The following DAB2IP variants were observed in gnomAD, a reference collection of about 807,000 sequenced individuals.
DAB2IP encodes DAB2 interacting protein.
Under a neutral mutation model 107.2 loss-of-function variants are expected in DAB2IP, and 28 were observed. The observed-to-expected ratio is 0.26, with a 90% CI of 0.19 to 0.36. The LOEUF (loss-of-function observed/expected upper bound fraction) is 0.36. Among genes scored for constraint, DAB2IP ranks in the 10% least tolerant of loss-of-function variants. The probability of loss-of-function intolerance (pLI) is 1.00; values close to 1 mark genes in which losing one functional copy is unlikely to be tolerated. For missense variants in DAB2IP, 1,400 were observed against 1,644.7 expected, an observed-to-expected ratio of 0.85 and a Z score of 2.57; for synonymous variants, 755 against 706.4, an observed-to-expected ratio of 1.07 and a Z score of -1.09.
chr9:121,714,694 C>T (rs187045594), intron 3 of DAB2IP, among the ~76,000 whole-genome samples: 7 of 152,332 alleles, frequency 4.6e-5, no homozygotes, highest in African/African-American at 7.2e-5. Flanking sequence ...CAGCTCCTCC[C>T]CTAGTGGAGG....
intron 1 of DAB2IP, among the ~76,000 whole-genome samples, chr9:121,615,968 T>G (rs1589411613): frequency 6.6e-6 from 1 of 152,268 alleles, no homozygotes; most frequent in East Asian, 1.9e-4. Context: ...GATGGACATA[T>G]GGAATAGAGA....
intron 1 of DAB2IP, among the ~76,000 whole-genome samples, chr9:121,640,360 A>G (rs1412686892): frequency 7.7e-6 from 1 of 129,568 alleles, no homozygotes; most frequent in Non-Finnish European, 1.5e-5. Context: ...AGCCTGTGTC[A>G]GGGGGGCGAC....
intron 1 of DAB2IP, among the ~76,000 whole-genome samples, chr9:121,572,207 C>G (rs755756031): frequency 6.6e-6 from 1 of 152,092 alleles, no homozygotes; most frequent in Non-Finnish European, 1.5e-5. Context: ...TCGTGGGTAC[C>G]GTCCTCCTAC....
rs747786813 is a variant in DAB2IP at position 121,679,665 on chromosome 9, G to A, written c.228+884G>A. ...CTGGCATGCCTGCTGTGTGCAAGCA[G>A]AGGAAAGAAGGTTCTGGGTGGCAGG... On this transcript the variant is annotated intron_variant, in intron 2 of 15. Coordinates refer to ENST00000408936, the Ensembl canonical transcript of DAB2IP. Among the ~76,000 whole-genome samples, 186 of 152,062 alleles carry A rather than the reference G, an allele frequency of 1.2e-3. 2 individuals carry two copies. The highest frequency in any genetic ancestry group is 2.2e-3 in the Non-Finnish European group (151 of 68,026).
At chr9:121,641,807 C>T (rs1832295345) in intron 1 of DAB2IP, among the ~76,000 whole-genome samples, 1 of 152,040 alleles carries the variant, frequency 6.6e-6, no homozygotes, top group Admixed American at 6.6e-5. Context: ...TACCTTCCTT[C>T]TTTCCTTCTT....
chr9:121,723,654 A>G (rs1341318163), intron 3 of DAB2IP, among the ~76,000 whole-genome samples: 1 of 152,206 alleles, frequency 6.6e-6, no homozygotes, highest in Non-Finnish European at 1.5e-5. Flanking sequence ...GAAAGAACTG[A>G]CATCTGTGCA....
At chr9:121,605,978 T>C (rs1339446097) in intron 1 of DAB2IP, among the ~76,000 whole-genome samples, 1 of 152,074 alleles carries the variant, frequency 6.6e-6, no homozygotes, top group African/African-American at 2.4e-5. Flanking sequence ...CACAGAAACA[T>C]CTGTCCCTGA....
chr9:121,783,485 G>A (rs1304504729), exon 16 of DAB2IP: 5 of 1,614,008 alleles, frequency 3.1e-6, no homozygotes, highest in Non-Finnish European at 4.2e-6. Flanking sequence ...AGATTCTAAC[G>A]CCTGCAGGCC....
chr9:121,596,748 G>T (rs1333903911), intron 1 of DAB2IP, among the ~76,000 whole-genome samples: 1 of 150,778 alleles, frequency 6.6e-6, no homozygotes, highest in African/African-American at 2.5e-5. Context: ...TGAGCAAGAG[G>T]TTCTCTATGT....
chr9:121,782,630 G>A lies in DAB2IP; in HGVS notation c.*132G>A. The A allele has an allele frequency of 1.3e-6, 2 of 1,501,264 alleles. No homozygotes were observed. The highest frequency in any genetic ancestry group is 1.8e-6 in the Non-Finnish European group (2 of 1,128,546). The allele number at this position is 1,501,264 out of a possible 1,614,324, so 93.0% of individuals were successfully genotyped here. On this transcript the variant is annotated 3_prime_UTR_variant, in exon 16 of 16. Transcript: ENST00000408936. This position sits in a 1 kb window ranked among gnomAD's most constrained non-coding sequence, Gnocchi z 6.1. ...TCAGGAGGCCGAGCCTCCCCTCCCT[G>A]CCGCTGTCCAGGAGGCGGCCGCAGA...
At chr9:121,594,519 C>T (rs894515777) in intron 1 of DAB2IP, among the ~76,000 whole-genome samples, 3 of 152,020 alleles carry the variant, frequency 2.0e-5, no homozygotes, top group East Asian at 1.9e-4. Flanking sequence ...TTATAGGCCC[C>T]GAGCACTCTT....
At chr9:121,608,659 TG>T (rs1830974671) in intron 1 of DAB2IP, among the ~76,000 whole-genome samples, 1 of 152,144 alleles carries the variant, frequency 6.6e-6, no homozygotes, top group South Asian at 2.1e-4. Flanking sequence ...AGGGAGCCAT[TG>T]AGGATTACAG....
intron 3 of DAB2IP, among the ~76,000 whole-genome samples, chr9:121,732,363 C>T (rs1365628925): frequency 6.6e-6 from 1 of 152,172 alleles, no homozygotes; most frequent in African/African-American, 2.4e-5. Flanking sequence ...GTCAACATCA[C>T]TGTGGAGAAA....
chr9:121,676,117 TGCCTGCCCCAG>T (rs1021603571), intron 1 of DAB2IP, among the ~76,000 whole-genome samples: 2 of 152,204 alleles, frequency 1.3e-5, no homozygotes, highest in Non-Finnish European at 2.9e-5. Flanking sequence ...CTGGTGTCAA[TGCCTGCCCCAG>T]GCCTGCCTGG....
In DAB2IP at chr9:121,651,831, G is replaced by A; in HGVS notation, c.56G>A (p.Arg19Gln). ...ACCGGGAGGTCCTCCTACTACTACC[G>A]GCTGCTGAGGCGGCCCCGGCTGCAG... Residue 19 changes from arginine to glutamine, a missense_variant, in exon 1 of 16, where the codon CGG (arginine) becomes CAG (glutamine). Arg to Gln is a conservative substitution (Grantham distance 43). Around this residue, in one of 3 missense-constraint regions of DAB2IP, gnomAD observed 283 missense variants for 237.0 expected, o/e 1.19. Transcript: ENST00000408936. The surrounding 1 kb of genome is among the most constrained non-coding windows in gnomAD (Gnocchi z 5.1). The A allele has an allele frequency of 1.4e-6, 2 of 1,471,126 alleles. No homozygotes were observed. The highest frequency in any genetic ancestry group is 9.0e-7 in the Non-Finnish European group (1 of 1,109,224). 91.1% of individuals were successfully genotyped at this position (1,471,126 alleles called of 1,614,324 possible).
chr9:121,691,415 C>G (rs1467895238), intron 2 of DAB2IP, among the ~76,000 whole-genome samples: 18 of 151,484 alleles, frequency 1.2e-4, no homozygotes, highest in Non-Finnish European at 2.9e-5. Context: ...CCAGGCCCTT[C>G]TGGCTAACGG....
At position 121,776,239 on chromosome 9, in the gene DAB2IP, G is replaced by A; in HGVS notation, c.3162G>A (p.Lys1054=). The change falls in exon 14 of 16, where the codon AAG becomes AAA. Residue 1054 remains lysine (K), a synonymous_variant. Transcript: ENST00000408936. This position sits in a 1 kb window ranked among gnomAD's most constrained non-coding sequence, Gnocchi z 5.4. ...AGGACAAGCTGCGAATCTCCACCAAGAAGCTGGAGGAGTATGAGACCCTGT... is the reference window on the plus strand; with the variant it reads ...AGGACAAGCTGCGAATCTCCACCAAAAAGCTGGAGGAGTATGAGACCCTGT... 6.3e-7 allele frequency: 1 copy of A among 1,585,558 alleles called. No individual in the cohort carries two copies. The highest frequency in any genetic ancestry group is 8.6e-7 in the Non-Finnish European group (1 of 1,166,290).
At chr9:121,756,268 A>C (rs1051776061) in intron 3 of DAB2IP, among the ~76,000 whole-genome samples, 29 of 152,206 alleles carry the variant, frequency 1.9e-4, no homozygotes, top group African/African-American at 6.5e-4. Flanking sequence ...AGGGCCACAC[A>C]GCAGGGGAGC....
chr9:121,673,770 C>T (rs1336969846), intron 1 of DAB2IP, among the ~76,000 whole-genome samples: 2 of 152,048 alleles, frequency 1.3e-5, no homozygotes, highest in Admixed American at 6.6e-5. Flanking sequence ...GGTGTCAGGT[C>T]AGGAGAGAGC....
Sources: allele counts gnomAD v4.1 joint callset (sites outside exome capture counted in the v4.1 genomes callset), GRCh38; gene constraint gnomAD v4.1.1; regional missense constraint gnomAD v4.1.1; non-coding constraint Gnocchi (gnomAD v3.1); transcripts MANE v1.5; gene names NCBI Gene and HGNC (gene_info 2026-07-23, HGNC 2026-07-21).